The following GRIK2 variants were observed in gnomAD, a reference collection of about 807,000 sequenced individuals.
GRIK2 encodes glutamate receptor ionotropic, kainate 2.
Under a neutral mutation model 100.3 loss-of-function variants are expected in GRIK2, and 32 were observed. The ratio of observed to expected loss-of-function variants is 0.32; its 90% CI spans 0.24 to 0.43. The LOEUF is 0.43. Among genes scored for constraint, GRIK2 ranks in the 20% least tolerant of loss-of-function variants. The probability of loss-of-function intolerance (pLI) is 1.00; values close to 1 mark genes in which losing one functional copy is unlikely to be tolerated. For missense variants in GRIK2, 843 were observed against 1,114.9 expected (o/e 0.76, Z 3.47); for synonymous variants, 417 against 389.4 (o/e 1.07, Z -0.83).
At chr6:101,816,829 C>T (rs1781662306) in intron 9 of GRIK2, among the ~76,000 whole-genome samples, 1 of 152,176 alleles carries the variant, frequency 6.6e-6, no homozygotes, top group Non-Finnish European at 1.5e-5. Context: ...CCTGGTGGTG[C>T]CTTACCGGAA....
intron 12 of GRIK2, among the ~76,000 whole-genome samples, chr6:101,909,828 A>G (rs2128465066): frequency 6.6e-6 from 1 of 151,346 alleles, no homozygotes; most frequent in South Asian, 2.1e-4. Flanking sequence ...ACCAGAATTC[A>G]TAAACAATTC....
At chr6:101,593,020 G>A (rs779968477) in intron 2 of GRIK2, among the ~76,000 whole-genome samples, 2 of 151,852 alleles carry the variant, frequency 1.3e-5, no homozygotes, top group Non-Finnish European at 2.9e-5. Context: ...TAGCTGGAGT[G>A]GAGAGTTAGA....
chr6:101,734,139 C>CA (rs1465593264), intron 7 of GRIK2, among the ~76,000 whole-genome samples: 1 of 151,998 alleles, frequency 6.6e-6, no homozygotes, highest in Non-Finnish European at 1.5e-5. Context: ...CTCTTGTTAC[C>CA]AAAATCTGTA....
chr6:102,062,781 A>G (rs1407622655), intron 16 of GRIK2, among the ~76,000 whole-genome samples: 1 of 150,688 alleles, frequency 6.6e-6, no homozygotes, highest in Non-Finnish European at 1.5e-5. Context: ...CAATCAAAAC[A>G]GTTATATTCA....
At chr6:102,037,117 C>T (rs895760564) in intron 15 of GRIK2, among the ~76,000 whole-genome samples, 3 of 150,848 alleles carry the variant, frequency 2.0e-5, no homozygotes, top group African/African-American at 4.9e-5. Flanking sequence ...AAAAAAAGCT[C>T]GAATTAGTTT....
intron 14 of GRIK2, among the ~76,000 whole-genome samples, chr6:102,011,862 C>T (rs1795560873): frequency 1.3e-5 from 2 of 152,228 alleles, no homozygotes; most frequent in East Asian, 1.9e-4. Context: ...CTGGGATTAA[C>T]AGGCGTGAGC....
chr6:101,394,031 G>T (rs1000293962), intron 1 of GRIK2, among the ~76,000 whole-genome samples, 194 bp downstream of exon 1: 7 of 152,216 alleles, frequency 4.6e-5, no homozygotes, highest in Non-Finnish European at 1.0e-4. Flanking sequence ...TCTTTGTCGG[G>T]CTTATCTCAG....
chr6:101,884,185 T>A (rs1786458359), intron 11 of GRIK2, among the ~76,000 whole-genome samples: 1 of 152,182 alleles, frequency 6.6e-6, no homozygotes, highest in Non-Finnish European at 1.5e-5. Flanking sequence ...GAATGCGTGG[T>A]ATTACTTACA....
chr6:101,575,671 T>C (rs1363717088), intron 2 of GRIK2, among the ~76,000 whole-genome samples: 1 of 152,026 alleles, frequency 6.6e-6, no homozygotes, highest in African/African-American at 2.4e-5. Context: ...CTCAAAGACA[T>C]GGTAATTTTG....
At chr6:101,798,257 A>T (rs569343584) in intron 7 of GRIK2, among the ~76,000 whole-genome samples, 1 of 152,156 alleles carries the variant, frequency 6.6e-6, no homozygotes, top group South Asian at 2.1e-4. Flanking sequence ...AATTCTGTTG[A>T]TGATTTTTGT....
chr6:102,041,433 A>G (rs1320614816), intron 15 of GRIK2, among the ~76,000 whole-genome samples: 1 of 151,634 alleles, frequency 6.6e-6, no homozygotes. Flanking sequence ...GGTAAGATCA[A>G]TGAGGAGTCA....
intron 7 of GRIK2, among the ~76,000 whole-genome samples, chr6:101,766,885 T>G (rs1446788339): frequency 1.3e-5 from 2 of 152,198 alleles, no homozygotes; most frequent in Non-Finnish European, 2.9e-5. Flanking sequence ...GGAAAATAAT[T>G]GTTTATGTCT....
chr6:101,727,928 CA>C (rs1402762942), intron 7 of GRIK2, among the ~76,000 whole-genome samples: 2 of 151,472 alleles, frequency 1.3e-5, no homozygotes, highest in Non-Finnish European at 2.9e-5. Context: ...ATGTTTAGCA[CA>C]AAAAATGATA....
intron 12 of GRIK2, among the ~76,000 whole-genome samples, chr6:101,891,147 A>G (rs1297991487): frequency 1.3e-5 from 2 of 151,304 alleles, no homozygotes; most frequent in Non-Finnish European, 2.9e-5. Flanking sequence ...TTTTTTTCCA[A>G]TGAAGTAATG....
At chr6:102,006,390 A>ATATATATATATATATTTTTTT (rs1315524835) in intron 14 of GRIK2, among the ~76,000 whole-genome samples, 11 of 114,092 alleles carry the variant, frequency 9.6e-5, no homozygotes, top group Non-Finnish European at 1.6e-4. Flanking sequence ...ATATATATAT[A>ATATATATATATATATTTTTTT]TTTTTTTTTT....
intron 10 of GRIK2, among the ~76,000 whole-genome samples, chr6:101,836,316 C>T (rs1028467383): frequency 1.3e-5 from 2 of 151,944 alleles, no homozygotes; most frequent in South Asian, 2.1e-4. Flanking sequence ...TGATTTGTGC[C>T]GTCCAATACG....
At chr6:101,576,818 A>G (rs1777811961) in intron 2 of GRIK2, among the ~76,000 whole-genome samples, 1 of 152,046 alleles carries the variant, frequency 6.6e-6, no homozygotes, top group Non-Finnish European at 1.5e-5. Context: ...CTGATTTTCT[A>G]AATGTACACT....
chr6:102,025,911 GC>G (rs1769672256), intron 14 of GRIK2, among the ~76,000 whole-genome samples: 1 of 150,494 alleles, frequency 6.6e-6, no homozygotes, highest in Non-Finnish European at 1.5e-5. Flanking sequence ...AAACTTTTGT[GC>G]CTCTAAGTCT....
At chr6:101,806,032 G>A (rs1780984695) in intron 9 of GRIK2, among the ~76,000 whole-genome samples, 1 of 152,030 alleles carries the variant, frequency 6.6e-6, no homozygotes, top group Admixed American at 6.6e-5. Flanking sequence ...TTGGAACCCA[G>A]CCCAATTCAC....
Sources: allele counts gnomAD v4.1 joint callset (sites outside exome capture counted in the v4.1 genomes callset), GRCh38; gene constraint gnomAD v4.1.1; transcripts MANE v1.5; gene names NCBI Gene and HGNC (gene_info 2026-07-23, HGNC 2026-07-21).